The following HS6ST3 variants were observed in gnomAD, a reference collection of about 807,000 sequenced individuals.
The protein encoded by HS6ST3 is heparan sulfate 6-O-sulfotransferase 3.
A neutral mutation model predicts 36.7 loss-of-function variants in HS6ST3; 12 were observed. That is an observed-to-expected ratio of 0.33 (90% CI 0.21 to 0.53). The LOEUF is 0.53. Among genes scored for constraint, HS6ST3 ranks in the 20% least tolerant of loss-of-function variants. The pLI is 0.95. For missense variants in HS6ST3, 584 were observed against 640.9 expected (o/e 0.91, Z 0.96); for synonymous variants, 240 against 257.5 (o/e 0.93, Z 0.65).
rs533436332 is a variant in HS6ST3 at position 96,349,325 on chromosome 13, G to A, written c.707+257756G>A. 2.0e-5 allele frequency among the ~76,000 whole-genome samples: 3 copies of A among 151,974 alleles called. 1 individual carries two copies. In the South Asian group the frequency reaches 6.2e-4, roughly 32 times the overall value. On this transcript the variant is annotated intron_variant, in intron 1 of 1. Transcript: ENST00000376705. Reference sequence around the variant, plus strand: ...TTTTCTGCAGTATTTTTTTTTGTGTGTTTGTGTGTTCTACATTATATTCTT... The same window carrying A: ...TTTTCTGCAGTATTTTTTTTTGTGTATTTGTGTGTTCTACATTATATTCTT...
intron 1 of HS6ST3, among the ~76,000 whole-genome samples, chr13:96,394,028 T>G (rs571670397): frequency 1.3e-5 from 2 of 152,310 alleles, no homozygotes; most frequent in South Asian, 4.1e-4. Flanking sequence ...AAGTTTTTGA[T>G]AGGGTACAAT....
intron 1 of HS6ST3, among the ~76,000 whole-genome samples, chr13:96,339,053 A>G (rs1229911663): frequency 6.6e-6 from 1 of 152,124 alleles, no homozygotes; most frequent in South Asian, 2.1e-4. Context: ...CTTACCAAGG[A>G]TGAAATATTA....
chr13:96,703,841 G>A (rs1015027152), intron 1 of HS6ST3, among the ~76,000 whole-genome samples: 11 of 152,172 alleles, frequency 7.2e-5, no homozygotes, highest in East Asian at 1.9e-4. Flanking sequence ...GATCATGGGG[G>A]CAGTTTTCCC....
intron 1 of HS6ST3, among the ~76,000 whole-genome samples, chr13:96,250,986 G>C (rs1319071669): frequency 6.6e-6 from 1 of 152,126 alleles, no homozygotes; most frequent in Non-Finnish European, 1.5e-5. Context: ...GTTGAACTTG[G>C]TTTTCTAGCA....
intron 1 of HS6ST3, among the ~76,000 whole-genome samples, chr13:96,253,537 C>T (rs769275782): frequency 6.6e-6 from 1 of 152,104 alleles, no homozygotes; most frequent in Non-Finnish European, 1.5e-5. Context: ...TTCAGGGCTC[C>T]CACAAAGTAC....
chr13:96,344,037 G>T (rs1409863928), intron 1 of HS6ST3, among the ~76,000 whole-genome samples: 1 of 151,942 alleles, frequency 6.6e-6, no homozygotes, highest in Non-Finnish European at 1.5e-5. Context: ...CCACTGCACT[G>T]GGCCTCGTTA....
rs143927321 is a variant in HS6ST3, at chr13:96,400,384, A to G, written c.707+308815A>G. On this transcript the variant is annotated intron_variant, in intron 1 of 1. Transcript: ENST00000376705. ...AATAGGCTGGGAATTCCTTCAGAGTAGGGAAGAGTGTCACATACCAATTTT... is the reference window on the plus strand; with the variant it reads ...AATAGGCTGGGAATTCCTTCAGAGTGGGGAAGAGTGTCACATACCAATTTT... Among the ~76,000 whole-genome samples the G allele has an allele frequency of 4.6e-4, 70 of 152,134 alleles. 1 individual carries two copies. The East Asian group carries it at 0.012, about 26-fold the overall frequency.
At chr13:96,191,156 A>G (rs1481580749) in intron 1 of HS6ST3, among the ~76,000 whole-genome samples, 2 of 152,082 alleles carry the variant, frequency 1.3e-5, no homozygotes, top group Non-Finnish European at 2.9e-5. Flanking sequence ...TATCACTGCT[A>G]CTTCCTCAGT....
At chr13:96,158,843 G>A (rs1189605661) in intron 1 of HS6ST3, among the ~76,000 whole-genome samples, 1 of 151,790 alleles carries the variant, frequency 6.6e-6, no homozygotes, top group Admixed American at 6.6e-5. Flanking sequence ...GAACCAGGAG[G>A]TCACTGGTGA....
At chr13:96,230,792 A>G (rs2054504372) in intron 1 of HS6ST3, among the ~76,000 whole-genome samples, 1 of 152,200 alleles carries the variant, frequency 6.6e-6, no homozygotes, top group Non-Finnish European at 1.5e-5. Flanking sequence ...GCATGTTCAC[A>G]GGCTGAGATG....
intron 1 of HS6ST3, among the ~76,000 whole-genome samples, chr13:96,092,884 G>A (rs924670288): frequency 1.5e-4 from 23 of 152,144 alleles, no homozygotes; most frequent in African/African-American, 5.5e-4. Context: ...TAAGAAACTG[G>A]ATTTGGAATG....
chr13:96,161,138 G>A (rs914149241), intron 1 of HS6ST3, among the ~76,000 whole-genome samples: 3 of 152,140 alleles, frequency 2.0e-5, no homozygotes, highest in Non-Finnish European at 4.4e-5. Context: ...ATTGTGCTGG[G>A]TTCTGCTTGA....
intron 1 of HS6ST3, among the ~76,000 whole-genome samples, chr13:96,683,725 T>C (rs749380253): frequency 1.3e-5 from 2 of 152,062 alleles, no homozygotes; most frequent in African/African-American, 2.4e-5. Flanking sequence ...CTGCAGGAGG[T>C]AAAAACATTA....
chr13:96,756,591 G>A (rs541858975), intron 1 of HS6ST3, among the ~76,000 whole-genome samples: 2 of 152,258 alleles, frequency 1.3e-5, no homozygotes, highest in South Asian at 2.1e-4. Flanking sequence ...GGATCCATTT[G>A]AACATACTGG....
intron 1 of HS6ST3, among the ~76,000 whole-genome samples, chr13:96,783,696 C>T (rs1441637105): frequency 1.3e-5 from 2 of 151,786 alleles, no homozygotes; most frequent in African/African-American, 4.8e-5. Flanking sequence ...CAATATAAAC[C>T]ATTTCCTTTT....
At chr13:96,279,110 G>T (rs2054762425) in intron 1 of HS6ST3, among the ~76,000 whole-genome samples, 1 of 152,228 alleles carries the variant, frequency 6.6e-6, no homozygotes, top group East Asian at 1.9e-4. Context: ...GAGAGTAATT[G>T]ACTTTCAATG....
At chr13:96,331,723 C>G (rs1181029769) in intron 1 of HS6ST3, among the ~76,000 whole-genome samples, 2 of 152,222 alleles carry the variant, frequency 1.3e-5, no homozygotes, top group African/African-American at 4.8e-5. Context: ...TTGGAGCTTC[C>G]CGGCTGCTTT....
chr13:96,271,619 A>G lies in HS6ST3; in HGVS notation c.707+180050A>G, dbSNP rs74817874. The stretch of plus-strand genomic sequence containing the variant: ...TGGAAAGGGGCTCATACAAGGAACT[A>G]GAAACTTACACTACTTTGGAAGGTC... On this transcript the variant is annotated intron_variant, in intron 1 of 1. Coordinates refer to ENST00000376705, the MANE Select transcript of HS6ST3 (RefSeq NM_153456.4). Among the ~76,000 whole-genome samples, 1,150 of 152,120 alleles carry G rather than the reference A, an allele frequency of 7.6e-3. 29 individuals carry two copies. Among genetic ancestry groups the G allele is most frequent in the African/African-American group, 0.026 (1,075 of 41,400 alleles).
At chr13:96,432,503 A>G (rs1244983525) in intron 1 of HS6ST3, among the ~76,000 whole-genome samples, 16 of 152,222 alleles carry the variant, frequency 1.1e-4, no homozygotes, top group Admixed American at 1.0e-3. Context: ...GGGGTCCCAT[A>G]TCACTGGAGT....
Sources: gnomAD v4.1 joint callset for allele counts (sites outside exome capture counted in the v4.1 genomes callset) on GRCh38, gnomAD v4.1.1 for gene constraint, MANE v1.5 for transcripts, NCBI Gene and HGNC (gene_info 2026-07-23, HGNC 2026-07-21) for gene names.